Variants in TTC29 observed in about 807,000 individuals in gnomAD.
TTC29 encodes tetratricopeptide repeat domain 29, also known as tetratricopeptide repeat protein 29.
A neutral mutation model predicts 58.1 loss-of-function variants in TTC29; 49 were observed. The ratio of observed to expected loss-of-function variants is 0.84; its 90% CI spans 0.67 to 1.07. TTC29 has a LOEUF of 1.07. Ranked by LOEUF, TTC29 falls within the 50% of genes least tolerant of loss-of-function variation. The pLI is 0.00. For synonymous variants in TTC29, 209 were observed against 196.8 expected, an observed-to-expected ratio of 1.06 and a Z score of -0.52; for missense variants, 582 against 555.6, an observed-to-expected ratio of 1.05 and a Z score of -0.48.
intron 11 of TTC29, among the ~76,000 whole-genome samples, chr4:146,724,431 T>C (rs1429832366): frequency 6.6e-6 from 1 of 152,244 alleles, no homozygotes; most frequent in East Asian, 1.9e-4. Flanking sequence ...CTCTTGAATA[T>C]ATTATTTGCT....
At chr4:146,911,949 A>T (rs1044209870) in intron 4 of TTC29, among the ~76,000 whole-genome samples, 9 of 152,154 alleles carry the variant, frequency 5.9e-5, no homozygotes, top group Non-Finnish European at 7.4e-5. Flanking sequence ...GCAAAGATGG[A>T]GGAAGGAATG....
chr4:146,925,289 A>G (rs1322131053), intron 4 of TTC29, among the ~76,000 whole-genome samples: 1 of 152,022 alleles, frequency 6.6e-6, no homozygotes, highest in Non-Finnish European at 1.5e-5. Flanking sequence ...TGAAAGAGTG[A>G]TGTTGGAATC....
At chr4:146,894,456 C>T (rs1047131118) in intron 6 of TTC29, among the ~76,000 whole-genome samples, 1 of 148,878 alleles carries the variant, frequency 6.7e-6, no homozygotes, top group Non-Finnish European at 1.5e-5. Context: ...CACATGTTCT[C>T]ACTCATAGGT....
At chr4:146,881,799 C>T (rs1339928176) in intron 6 of TTC29, among the ~76,000 whole-genome samples, 3 of 152,066 alleles carry the variant, frequency 2.0e-5, no homozygotes. Context: ...CCACTGCACA[C>T]CATTGCAAAA....
intron 11 of TTC29, among the ~76,000 whole-genome samples, chr4:146,738,802 C>A (rs114028333): frequency 9.9e-5 from 15 of 152,170 alleles, no homozygotes; most frequent in Admixed American, 2.0e-4. Flanking sequence ...GGGGAAGGAA[C>A]GCTGACGTCA....
intron 11 of TTC29, among the ~76,000 whole-genome samples, chr4:146,790,213 G>C (rs2150101191): frequency 6.7e-6 from 1 of 149,982 alleles, no homozygotes; most frequent in African/African-American, 2.5e-5. Flanking sequence ...TTTTGAGACG[G>C]AGTCTCACTC....
At chr4:146,842,761 A>G (rs1728929115) in intron 8 of TTC29, among the ~76,000 whole-genome samples, 1 of 152,156 alleles carries the variant, frequency 6.6e-6, no homozygotes, top group Non-Finnish European at 1.5e-5. Flanking sequence ...TTTATAACAA[A>G]AGTTTAGCAC....
intron 8 of TTC29, among the ~76,000 whole-genome samples, chr4:146,835,228 G>A (rs1728428771): frequency 6.6e-6 from 1 of 151,974 alleles, no homozygotes; most frequent in African/African-American, 2.4e-5. Context: ...GTTAATGGGT[G>A]CAGCACACCA....
At chr4:146,898,932 T>TGTAAA (rs1389815382) in intron 6 of TTC29, among the ~76,000 whole-genome samples, 3 of 152,210 alleles carry the variant, frequency 2.0e-5, no homozygotes, top group Non-Finnish European at 4.4e-5. Context: ...ATGTAAACCA[T>TGTAAA]CTAGTCTCAG....
intron 4 of TTC29, chr4:146,934,256 C>CAGGA (rs1466227632): frequency 1.3e-5 from 2 of 152,110 alleles, no homozygotes; most frequent in Admixed American, 6.6e-5. Context: ...CAATGAAGAC[C>CAGGA]AGGAGATGAA....
chr4:146,885,445 A>G (rs943977425), intron 6 of TTC29, among the ~76,000 whole-genome samples: 1 of 152,064 alleles, frequency 6.6e-6, no homozygotes, highest in African/African-American at 2.4e-5. Context: ...ACACAGTTGT[A>G]AAGAATTGAA....
intron 5 of TTC29, 44 bp from the exon 6 acceptor site, chr4:146,903,773 C>T (rs1382733858): frequency 3.6e-6 from 5 of 1,400,360 alleles, no homozygotes; most frequent in Non-Finnish European, 4.8e-6. Flanking sequence ...AGAAAGATGT[C>T]TCATGGCACA....
intron 11 of TTC29, among the ~76,000 whole-genome samples, chr4:146,758,772 T>TA (rs1746644509): frequency 6.6e-6 from 1 of 152,120 alleles, no homozygotes; most frequent in Admixed American, 6.5e-5. Flanking sequence ...AGATGGAAAT[T>TA]AAAAAATTCT....
At chr4:146,733,001 G>A (rs1744452579) in intron 11 of TTC29, among the ~76,000 whole-genome samples, 2 of 152,130 alleles carry the variant, frequency 1.3e-5, no homozygotes, top group African/African-American at 4.8e-5. Context: ...GCTTCAATTA[G>A]CACAAGGCAG....
chr4:146,923,619 G>T (rs1560723066), intron 4 of TTC29, among the ~76,000 whole-genome samples: 1 of 151,834 alleles, frequency 6.6e-6, no homozygotes, highest in African/African-American at 2.4e-5. Context: ...GGAATGTGAA[G>T]AGACGCCGCT....
At chr4:146,717,305 G>A (rs1743007030) in intron 11 of TTC29, among the ~76,000 whole-genome samples, 1 of 152,102 alleles carries the variant, frequency 6.6e-6, no homozygotes. Flanking sequence ...TTGAGATGGA[G>A]TCTCACTCTG....
At chr4:146,938,839 G>A (rs373478223) in intron 3 of TTC29, among the ~76,000 whole-genome samples, 47 of 152,224 alleles carry the variant, frequency 3.1e-4, no homozygotes, top group Non-Finnish European at 4.1e-4. Context: ...ATAAACCTAC[G>A]TATGCAAACT....
At chr4:146,939,961 T>C in intron 2 of TTC29, 60 bp from the exon 3 acceptor site, 1 of 1,469,300 alleles carries the variant, frequency 6.8e-7, no homozygotes, top group Non-Finnish European at 9.2e-7. Context: ...AAGGATCCTT[T>C]AAGACATTAT....
Position 146,815,634 on chromosome 4 carries a change from G to GA in TTC29, c.1101+4490dup, listed in dbSNP as rs1364112167. ...TAGATTAAAAAGAGAAGATTGCCTG[G>GA]AAAATGCCTAAATAATATTCTAAAG... is the stretch of plus-strand genomic sequence containing the variant. On this transcript the variant is annotated intron_variant, in intron 10 of 12. Transcript: ENST00000325106. 2.6e-5 allele frequency among the ~76,000 whole-genome samples: 4 copies of GA among 152,260 alleles called. No homozygotes were observed. In the East Asian group the frequency reaches 7.7e-4, roughly 29 times the overall value.
Sources: gnomAD v4.1 joint callset for allele counts (sites outside exome capture counted in the v4.1 genomes callset) on GRCh38, gnomAD v4.1.1 for gene constraint, MANE v1.5 for transcripts, NCBI Gene and HGNC (gene_info 2026-07-23, HGNC 2026-07-21) for gene names.